CIP2A: variants seen among roughly 807,000 people sequenced by gnomAD.
The protein encoded by CIP2A is protein CIP2A.
CIP2A carries 103 observed loss-of-function variants against 110.9 expected under a neutral mutation model. That is an observed-to-expected ratio of 0.93 (90% confidence interval 0.79 to 1.09). The LOEUF (loss-of-function observed/expected upper bound fraction) is 1.09. Among genes scored for constraint, CIP2A ranks in the 50% least tolerant of loss-of-function variants. CIP2A has a pLI of 0.00. For synonymous variants in CIP2A, 381 were observed against 361.6 expected, an observed-to-expected ratio of 1.05 and a Z score of -0.61; for missense variants, 1,088 against 1,038.4, an observed-to-expected ratio of 1.05 and a Z score of -0.66.
chr3:108,576,241 G>A (rs1213977067), intron 8 of CIP2A, 30 bp downstream of exon 8: 2 of 1,414,762 alleles, frequency 1.4e-6, no homozygotes, highest in Admixed American at 4.8e-5. Context: ...GTTTTTAAAA[G>A]TTTAAATGAA....
chr3:108,559,791 T>C lies in CIP2A; in HGVS notation c.1979A>G (p.Gln660Arg). 5 of 1,593,450 alleles carry C rather than the reference T, an allele frequency of 3.1e-6. No homozygotes were observed. Among genetic ancestry groups the C allele is most frequent in the Non-Finnish European group, 4.3e-6 (5 of 1,164,538 alleles). Residue 660 changes from glutamine to arginine, a missense_variant, in exon 16 of 21, where the codon CAG becomes CGG. Gln to Arg is a conservative substitution (Grantham distance 43). Coordinates refer to ENST00000295746, the MANE Select transcript of CIP2A (RefSeq NM_020890.3). ...ALAQADRLIA[Q>R]HRCQRTQAET... The stretch of plus-strand genomic sequence containing the variant: ...AGCTTGAGTTCTTTGACAGCGATGC[T>C]GAGCAATCAGTCTATCAGCCTGTGC...
chr3:108,567,504 A>G (rs1938227483), intron 10 of CIP2A, among the ~76,000 whole-genome samples: 1 of 151,868 alleles, frequency 6.6e-6, no homozygotes, highest in African/African-American at 2.4e-5. Context: ...AATATTTTAA[A>G]ATTGGGACTT....
chr3:108,576,383 T>C (rs751166950), intron 7 of CIP2A, 37 bp from the exon 8 acceptor site: 7 of 1,084,522 alleles, frequency 6.5e-6, no homozygotes, highest in East Asian at 5.0e-5. Flanking sequence ...AAATGATAAA[T>C]ATAAAATTGA....
At chr3:108,563,929 T>C (rs966868211) in intron 12 of CIP2A, among the ~76,000 whole-genome samples, 2 of 150,546 alleles carry the variant, frequency 1.3e-5, no homozygotes, top group Non-Finnish European at 3.0e-5. Context: ...TAAAACGTTT[T>C]GTTTTTTGGA....
At chr3:108,552,524 A>C in intron 19 of CIP2A, 151 bp from the exon 20 acceptor site, 1 of 444,226 alleles carries the variant, frequency 2.3e-6, no homozygotes. Flanking sequence ...AAAATACCAA[A>C]TCTCCATGTC....
intron 2 of CIP2A, among the ~76,000 whole-genome samples, chr3:108,583,549 A>G (rs972420528): frequency 5.9e-5 from 9 of 152,106 alleles, no homozygotes; most frequent in African/African-American, 2.2e-4. Context: ...AGTTGATCTC[A>G]TGGAAGTGGA....
chr3:108,562,184 A>G (rs1029306339), intron 13 of CIP2A, among the ~76,000 whole-genome samples: 2 of 152,178 alleles, frequency 1.3e-5, no homozygotes, highest in Admixed American at 6.6e-5. Context: ...TAATTCTGAA[A>G]AGTGGAATCG....
chr3:108,556,021 A>C (rs2603125), intron 17 of CIP2A, among the ~76,000 whole-genome samples: 152,050 of 152,266 alleles, frequency 1, 75,917 homozygotes, highest in Middle Eastern at 1. Flanking sequence ...AGCAAATGGA[A>C]CCCATTTCAG....
At position 108,551,135 on chromosome 3, in the gene CIP2A, A is replaced by G. The variant is rs1466455741; in HGVS notation, c.*14T>C. On this transcript the variant is annotated 3_prime_UTR_variant, in exon 21 of 21. Coordinates refer to ENST00000295746, the MANE Select transcript of CIP2A (RefSeq NM_020890.3). ...AAATATCATGAGATTACAAATTCCA[A>G]AATGCCATAATGTCTATATACTGAG... 1 of 1,452,492 alleles carries G rather than the reference A, an allele frequency of 6.9e-7. No individual in the cohort carries two copies. Among genetic ancestry groups the G allele is most frequent in the Non-Finnish European group, 9.2e-7 (1 of 1,087,018 alleles). The allele number at this position is 1,452,492 out of a possible 1,614,324, so 90.0% of individuals were successfully genotyped here.
At chr3:108,564,518 G>C (rs1335599962) in intron 12 of CIP2A, among the ~76,000 whole-genome samples, 1 of 151,920 alleles carries the variant, frequency 6.6e-6, no homozygotes, top group African/African-American at 2.4e-5. Context: ...TAGCAGACCA[G>C]ATCAAACCAG....
rs1938905558 is a variant in CIP2A, at chr3:108,582,188, T to C, written c.372A>G (p.Leu124=). The C allele has an allele frequency of 2.1e-6, 3 of 1,398,360 alleles. No homozygotes were observed. Among genetic ancestry groups the C allele is most frequent in the Non-Finnish European group, 3.0e-6 (3 of 1,008,020 alleles). The allele number at this position is 1,398,360 out of a possible 1,614,324, so 86.6% of individuals were successfully genotyped here. A position where few individuals can be genotyped will look rare whatever the true frequency, so the allele number is the denominator to read the frequency against. Residue 124 remains leucine (L), a synonymous_variant, in exon 4 of 21, where the codon CTA becomes CTG. Coordinates refer to ENST00000295746, the MANE Select transcript of CIP2A (RefSeq NM_020890.3). ...TTTTGACATTATATGTTAACTTCTG[T>C]AGAAGTTGAATGCACTGAGAATAAG... is the stretch of plus-strand genomic sequence containing the variant. The part of the protein sequence containing the change: ...DSVFLQCIQL[L]QKLTYNVKIF...
At chr3:108,578,736 C>A (rs548920907) in intron 7 of CIP2A, among the ~76,000 whole-genome samples, 142 of 152,200 alleles carry the variant, frequency 9.3e-4, no homozygotes, top group African/African-American at 3.1e-3. Context: ...CAATTACTAC[C>A]TGATCTCAAA....
chr3:108,554,106 C>T (rs1309417485), intron 18 of CIP2A, among the ~76,000 whole-genome samples: 3 of 151,514 alleles, frequency 2.0e-5, no homozygotes, highest in Non-Finnish European at 4.4e-5. Context: ...ATGTTGGCCA[C>T]GCTGGTCTCA....
intron 8 of CIP2A, among the ~76,000 whole-genome samples, chr3:108,575,328 A>ATG (rs1938543742): frequency 6.6e-6 from 1 of 150,584 alleles, no homozygotes; most frequent in Non-Finnish European, 1.5e-5. Context: ...ATGTACACAC[A>ATG]CGTGTATATA....
intron 6 of CIP2A, 66 bp downstream of exon 6, chr3:108,579,500 A>C (rs1576316837): frequency 6.4e-7 from 1 of 1,559,442 alleles, no homozygotes; most frequent in East Asian, 2.3e-5. Context: ...AAAAATAAAA[A>C]AGTCTCAATG....
chr3:108,575,303 CGTACACACACGTGCAT>C (rs759903506), intron 8 of CIP2A, among the ~76,000 whole-genome samples: 2,125 of 137,966 alleles, frequency 0.015, 55 homozygotes, highest in African/African-American at 0.067. Flanking sequence ...CACACGTGTA[CGTACACACACGTGCAT>C]GTACACACAC....
At chr3:108,586,065 C>A (rs1346886409) in intron 1 of CIP2A, among the ~76,000 whole-genome samples, 1 of 152,096 alleles carries the variant, frequency 6.6e-6, no homozygotes, top group Admixed American at 6.6e-5. Context: ...CCATTAGTTA[C>A]CTTAGAATAA....
chr3:108,573,558 T>A (rs1348042998), intron 8 of CIP2A, among the ~76,000 whole-genome samples: 1 of 152,056 alleles, frequency 6.6e-6, no homozygotes, highest in Non-Finnish European at 1.5e-5. Context: ...GACAGTTTAA[T>A]ACCTTTAGAT....
chr3:108,555,998 T>G (rs775307575), intron 17 of CIP2A, among the ~76,000 whole-genome samples: 6 of 152,096 alleles, frequency 3.9e-5, no homozygotes, highest in Non-Finnish European at 8.8e-5. Flanking sequence ...AGATACCTGG[T>G]TTTACTGTAT....
Sources: allele counts gnomAD v4.1 joint callset (sites outside exome capture counted in the v4.1 genomes callset), GRCh38; gene constraint gnomAD v4.1.1; transcripts MANE v1.5; gene names NCBI Gene and HGNC (gene_info 2026-07-23, HGNC 2026-07-21).